CCDC141: variants seen among roughly 807,000 people sequenced by gnomAD.
The protein encoded by CCDC141 is coiled-coil domain-containing protein 141.
Under a neutral mutation model 181.0 loss-of-function variants are expected in CCDC141, and 168 were observed. The ratio of observed to expected loss-of-function variants is 0.93; its 90% CI spans 0.82 to 1.05. CCDC141 has a LOEUF of 1.05. CCDC141 is among the 50% of genes least tolerant of loss of function. The probability of loss-of-function intolerance (pLI) is 0.00; values close to 1 mark genes in which losing one functional copy is unlikely to be tolerated. For missense variants in CCDC141, 1,902 were observed against 1,788.5 expected (o/e 1.06, Z -1.14); for synonymous variants, 666 against 642.3 (o/e 1.04, Z -0.56).
intron 2 of CCDC141, among the ~76,000 whole-genome samples, chr2:178,988,924 G>T (rs1182083762): frequency 6.6e-6 from 1 of 151,994 alleles, no homozygotes; most frequent in Non-Finnish European, 1.5e-5. Flanking sequence ...TCAAACTAGT[G>T]GAACTAGAAG....
intron 4 of CCDC141, among the ~76,000 whole-genome samples, chr2:178,968,485 CT>C (rs1187415814): frequency 9.2e-5 from 14 of 152,124 alleles, no homozygotes; most frequent in Non-Finnish European, 1.5e-5. Flanking sequence ...TCCTGAATGA[CT>C]ACTGGGTAAA....
chr2:178,987,970 TATATA>T (rs1413263868), intron 2 of CCDC141, among the ~76,000 whole-genome samples: 1 of 151,302 alleles, frequency 6.6e-6, no homozygotes, highest in African/African-American at 2.4e-5. Flanking sequence ...CATTACTGGG[TATATA>T]CCCAAAGGAC....
intron 8 of CCDC141, among the ~76,000 whole-genome samples, chr2:178,891,046 CAA>C (rs955227713): frequency 1.3e-5 from 2 of 152,096 alleles, no homozygotes; most frequent in African/African-American, 4.8e-5. Context: ...ATATAAGCAG[CAA>C]AGACTTGATT....
intron 11 of CCDC141, among the ~76,000 whole-genome samples, chr2:178,880,680 G>A (rs1686561187): frequency 6.6e-6 from 1 of 152,168 alleles, no homozygotes; most frequent in African/African-American, 2.4e-5. Context: ...CAGATCCTCA[G>A]TTTCCCACAT....
chr2:178,987,305 A>G (rs1287289575), intron 2 of CCDC141, among the ~76,000 whole-genome samples: 2 of 152,152 alleles, frequency 1.3e-5, no homozygotes, highest in Non-Finnish European at 2.9e-5. Flanking sequence ...TACACCATAT[A>G]CAAAAATCAA....
chr2:179,001,305 A>G (rs2041966671), intron 2 of CCDC141, among the ~76,000 whole-genome samples: 1 of 152,212 alleles, frequency 6.6e-6, no homozygotes, highest in Non-Finnish European at 1.5e-5. Flanking sequence ...GCACAATTTG[A>G]GAAACAGCTT....
chr2:178,901,928 T>C (rs1252460070), intron 8 of CCDC141, among the ~76,000 whole-genome samples: 25 of 152,118 alleles, frequency 1.6e-4, no homozygotes, highest in East Asian at 3.8e-4. Flanking sequence ...AAAATGAATA[T>C]ACAAAAATCA....
intron 8 of CCDC141, among the ~76,000 whole-genome samples, chr2:178,904,696 A>G (rs1051545218): frequency 4.6e-5 from 7 of 151,908 alleles, no homozygotes; most frequent in Admixed American, 6.6e-5. Context: ...GTTCTTTCCT[A>G]TACTTTCCTA....
the CCDC141 span, among the ~76,000 whole-genome samples, chr2:178,819,861 A>C: frequency 2.0e-5 from 3 of 152,164 alleles, no homozygotes; most frequent in African/African-American, 7.2e-5. Flanking sequence ...ACATATACAG[A>C]TATCTCATGA....
chr2:179,032,082 CT>C (rs1314899094), intron 2 of CCDC141, among the ~76,000 whole-genome samples: 1 of 152,118 alleles, frequency 6.6e-6, no homozygotes, highest in Non-Finnish European at 1.5e-5. Flanking sequence ...TCCCACTTTA[CT>C]GGCTTGACTC....
chr2:178,876,199 A>T (rs1006406088), intron 12 of CCDC141: 6 of 152,158 alleles, frequency 3.9e-5, no homozygotes, highest in African/African-American at 1.4e-4. Context: ...CTTCCAAATG[A>T]ATTCAGGCTC....
At chr2:178,987,306 C>G (rs1434874402) in intron 2 of CCDC141, among the ~76,000 whole-genome samples, 5 of 152,000 alleles carry the variant, frequency 3.3e-5, no homozygotes, top group African/African-American at 2.4e-5. Flanking sequence ...ACACCATATA[C>G]AAAAATCAAT....
At chr2:179,012,638 CA>C (rs1164595477) in intron 2 of CCDC141, among the ~76,000 whole-genome samples, 1 of 152,034 alleles carries the variant, frequency 6.6e-6, no homozygotes, top group African/African-American at 2.4e-5. Context: ...ACCCTAATAC[CA>C]AAACCAGGAA....
chr2:178,964,018 G>A (rs1238510187), intron 4 of CCDC141, among the ~76,000 whole-genome samples: 1 of 152,154 alleles, frequency 6.6e-6, no homozygotes, highest in Non-Finnish European at 1.5e-5. Context: ...GATGGGGCTG[G>A]GGGTAGGGTT....
At chr2:178,938,535 T>C (rs1479071404) in intron 6 of CCDC141, among the ~76,000 whole-genome samples, 1 of 152,080 alleles carries the variant, frequency 6.6e-6, no homozygotes, top group African/African-American at 2.4e-5. Flanking sequence ...TTTTAGAGTA[T>C]GTGCCATGTG....
At chr2:178,967,152 G>A (rs1317000505) in intron 4 of CCDC141, among the ~76,000 whole-genome samples, 1 of 152,262 alleles carries the variant, frequency 6.6e-6, no homozygotes, top group Admixed American at 6.5e-5. Flanking sequence ...GTGATGAGGA[G>A]AATGGAACCA....
rs980490974 is a variant in CCDC141, at chr2:178,830,313, A to C, written c.*3860T>G. On this transcript the variant is annotated 3_prime_UTR_variant, in exon 24 of 24. Coordinates refer to ENST00000443758, the MANE Select transcript of CCDC141 (RefSeq NM_173648.4). The stretch of plus-strand genomic sequence containing the variant: ...GAGCCAGCATCTATTTTTAAATTCA[A>C]ATTTTCAATCAGGGTCTAGCCCAGA... 4 of 152,178 alleles carry C rather than the reference A, an allele frequency of 2.6e-5. No individual in the cohort carries two copies. The highest frequency in any genetic ancestry group is 5.9e-5 in the Non-Finnish European group (4 of 68,044). 9.4% of individuals were successfully genotyped at this position (152,178 alleles called of 1,614,324 possible).
intron 19 of CCDC141, 82 bp from the exon 20 acceptor site, chr2:178,853,706 T>A: frequency 8.5e-7 from 1 of 1,176,690 alleles, no homozygotes. Flanking sequence ...AAGTATCAAA[T>A]TTTAATTCCC....
intron 17 of CCDC141, among the ~76,000 whole-genome samples, chr2:178,857,798 C>A (rs190527057): frequency 5.9e-5 from 9 of 152,184 alleles, no homozygotes; most frequent in African/African-American, 2.2e-4. Flanking sequence ...TCAATGATAG[C>A]AAACAAATTA....
Sources: gnomAD v4.1 joint callset for allele counts (sites outside exome capture counted in the v4.1 genomes callset) on GRCh38, gnomAD v4.1.1 for gene constraint, MANE v1.5 for transcripts, NCBI Gene and HGNC (gene_info 2026-07-23, HGNC 2026-07-21) for gene names.